KITLG: variants seen among roughly 807,000 people sequenced by gnomAD.
KITLG encodes the protein KIT ligand, also known as c-Kit ligand.
KITLG carries 13 observed loss-of-function variants against 34.1 expected under a neutral mutation model. The ratio of observed to expected loss-of-function variants is 0.38; its 90% CI spans 0.25 to 0.61. The LOEUF (loss-of-function observed/expected upper bound fraction) is 0.61. KITLG is among the 20% of genes least tolerant of loss of function. The pLI is 0.60. For synonymous variants in KITLG, 110 were observed against 104.0 expected, an observed-to-expected ratio of 1.06 and a Z score of -0.35; for missense variants, 292 against 318.9, an observed-to-expected ratio of 0.92 and a Z score of 0.64.
intron 9 of KITLG, among the ~76,000 whole-genome samples, chr12:88,504,145 C>T (rs1157134353): frequency 3.3e-5 from 5 of 151,964 alleles, no homozygotes; most frequent in Non-Finnish European, 5.9e-5. Flanking sequence ...TAGATGAATC[C>T]ACTAGTCAGG....
chr12:88,529,333 T>C (rs1200030369), intron 3 of KITLG, among the ~76,000 whole-genome samples: 1 of 152,130 alleles, frequency 6.6e-6, no homozygotes, highest in Non-Finnish European at 1.5e-5. Flanking sequence ...AATATCCAGG[T>C]ATTCTTTAAG....
At position 88,580,467 on chromosome 12, in the gene KITLG, G is replaced by C. The variant is rs965046530; in HGVS notation, c.-189C>G. On this transcript the variant is annotated 5_prime_UTR_variant, in exon 1 of 10. Coordinates refer to ENST00000644744, the MANE Select transcript of KITLG (RefSeq NM_000899.5). ...CTAGTCTCGGCGCGAGGCGGCGAGC[G>C]AAGCCCGGCTGCTGAGCCGCCGGCG... 1.1e-5 allele frequency: 8 copies of C among 705,436 alleles called. No homozygotes were observed. The highest frequency in any genetic ancestry group is 1.7e-5 in the Non-Finnish European group (7 of 420,082). The allele number at this position is 705,436 out of a possible 1,614,324, so 43.7% of individuals were successfully genotyped here. A position where few individuals can be genotyped will look rare whatever the true frequency, so the allele number is the denominator to read the frequency against.
intron 3 of KITLG, among the ~76,000 whole-genome samples, chr12:88,527,846 C>T (rs564669347): frequency 9.9e-5 from 15 of 152,228 alleles, no homozygotes; most frequent in African/African-American, 3.6e-4. Flanking sequence ...TAAGAAACAT[C>T]AATCAAATGT....
chr12:88,560,646 C>T (rs1040150129), intron 1 of KITLG, among the ~76,000 whole-genome samples: 4 of 152,172 alleles, frequency 2.6e-5, no homozygotes, highest in Non-Finnish European at 4.4e-5. Context: ...TCAACTTCAG[C>T]TTCACTAATA....
intron 4 of KITLG, 55 bp downstream of exon 4, chr12:88,518,642 G>A (rs1023958930): frequency 7.2e-7 from 1 of 1,388,848 alleles, no homozygotes; most frequent in African/African-American, 1.4e-5. Context: ...GCACCAAGAA[G>A]CATGGGTTTT....
chr12:88,551,649 A>C (rs1053975601), intron 1 of KITLG, among the ~76,000 whole-genome samples: 2 of 152,222 alleles, frequency 1.3e-5, no homozygotes, highest in African/African-American at 4.8e-5. Flanking sequence ...ATTACTTGCA[A>C]CATATTGTTA....
chr12:88,579,777 T>A (rs1399250971), intron 1 of KITLG, among the ~76,000 whole-genome samples: 2 of 151,778 alleles, frequency 1.3e-5, no homozygotes, highest in Admixed American at 6.6e-5. Context: ...CTCCCGCGGC[T>A]GCACCCGCGT....
intron 1 of KITLG, among the ~76,000 whole-genome samples, chr12:88,575,739 T>A (rs1871804786): frequency 6.6e-6 from 1 of 152,166 alleles, no homozygotes; most frequent in South Asian, 2.1e-4. Flanking sequence ...TTGCAGCTGC[T>A]CATGATTTAT....
Position 88,493,956 on chromosome 12 carries a change from T to C in KITLG, c.*3263A>G, listed in dbSNP as rs952117958. On this transcript the variant is annotated 3_prime_UTR_variant, in exon 10 of 10. Transcript: ENST00000644744. ...TTTACATTAGAAACAAGAACAGCAA[T>C]GACTTTTTATGGTCAAGATACTTAT... is the stretch of plus-strand genomic sequence containing the variant. 3 of 151,952 alleles carry C rather than the reference T, an allele frequency of 2.0e-5. No homozygotes were observed. The highest frequency in any genetic ancestry group is 4.8e-5 in the African/African-American group (2 of 41,436). 9.4% of individuals were successfully genotyped at this position (151,952 alleles called of 1,614,324 possible).
rs765376470 is a variant in KITLG, at chr12:88,507,049, A to G, written c.693T>C (p.Ala231=). Reference sequence around the variant, plus strand: ...TTACCTTCCAGTATAAGGCTCCAAAAGCAAAGCCAATTATAAGAGAAAACA... The same window carrying G: ...TTACCTTCCAGTATAAGGCTCCAAAGGCAAAGCCAATTATAAGAGAAAACA... ...PALFSLIIGF[A]FGALYWKKRQ... The change falls in exon 7 of 10, where the codon GCT becomes GCC. Residue 231 remains alanine (A), a synonymous_variant. Coordinates refer to ENST00000644744, the MANE Select transcript of KITLG (RefSeq NM_000899.5). The G allele has an allele frequency of 1.2e-5, 20 of 1,609,358 alleles. No homozygotes were observed. The highest frequency in any genetic ancestry group is 1.7e-5 in the Non-Finnish European group (20 of 1,175,652).
At chr12:88,549,177 G>C (rs903690324) in intron 1 of KITLG, among the ~76,000 whole-genome samples, 8 of 152,202 alleles carry the variant, frequency 5.3e-5, no homozygotes, top group African/African-American at 1.2e-4. Flanking sequence ...ATGTCAGAGA[G>C]ACAATGGAGA....
intron 1 of KITLG, among the ~76,000 whole-genome samples, chr12:88,561,877 A>G (rs765303949): frequency 2.3e-4 from 35 of 152,146 alleles, no homozygotes; most frequent in Non-Finnish European, 4.6e-4. Flanking sequence ...AGTTGTTCTC[A>G]TCATTCAGGA....
At chr12:88,570,450 C>G in intron 1 of KITLG, among the ~76,000 whole-genome samples, 1 of 151,958 alleles carries the variant, frequency 6.6e-6, no homozygotes, top group East Asian at 1.9e-4. Context: ...CCAGAGGACT[C>G]AGCTTTGCCT....
chr12:88,575,011 C>A (rs183859501), intron 1 of KITLG, among the ~76,000 whole-genome samples: 1 of 152,250 alleles, frequency 6.6e-6, no homozygotes, highest in East Asian at 1.9e-4. Flanking sequence ...AATCATAAAA[C>A]AATGGTTATA....
chr12:88,543,228 A>G (rs996434851), intron 2 of KITLG, among the ~76,000 whole-genome samples: 12 of 152,074 alleles, frequency 7.9e-5, no homozygotes, highest in Non-Finnish European at 1.5e-4. Context: ...CGTCATTTAC[A>G]TTAGGTATTT....
At chr12:88,545,014 G>A (rs906709645) in intron 2 of KITLG, among the ~76,000 whole-genome samples, 1 of 152,002 alleles carries the variant, frequency 6.6e-6, no homozygotes, top group African/African-American at 2.4e-5. Context: ...TGTTCATCCC[G>A]AAATCATACA....
chr12:88,530,993 T>G (rs1870062932), intron 3 of KITLG, among the ~76,000 whole-genome samples: 2 of 152,166 alleles, frequency 1.3e-5, no homozygotes, highest in Non-Finnish European at 2.9e-5. Context: ...TTTTGGTAGA[T>G]TATGGAAAGA....
chr12:88,572,427 A>T (rs1871681666), intron 1 of KITLG, among the ~76,000 whole-genome samples: 1 of 151,478 alleles, frequency 6.6e-6, no homozygotes, highest in South Asian at 2.1e-4. Flanking sequence ...TAAAGACCCT[A>T]GTTTCATATT....
At chr12:88,504,948 C>A (rs1868998616) in intron 9 of KITLG, among the ~76,000 whole-genome samples, 1 of 131,732 alleles carries the variant, frequency 7.6e-6, no homozygotes, top group Non-Finnish European at 1.5e-5. Flanking sequence ...GGGTAGGGAA[C>A]ACCACACAAT....
Sources: gnomAD v4.1 joint callset for allele counts (sites outside exome capture counted in the v4.1 genomes callset) on GRCh38, gnomAD v4.1.1 for gene constraint, MANE v1.5 for transcripts, NCBI Gene and HGNC (gene_info 2026-07-23, HGNC 2026-07-21) for gene names.